Variants in FAM110A observed in about 807,000 individuals in gnomAD.
FAM110A encodes the protein family with sequence similarity 110 member A.
A neutral mutation model predicts 4.0 loss-of-function variants in FAM110A; 1 was observed. The observed-to-expected ratio is 0.25, with a 90% confidence interval of 0.09 to 1.20. FAM110A has a LOEUF of 1.20. FAM110A is among the 50% of genes most tolerant of loss of function. The pLI is 0.50. For missense variants in FAM110A, 436 were observed against 429.2 expected, an observed-to-expected ratio of 1.02 and a Z score of -0.14; for synonymous variants, 217 against 196.8, an observed-to-expected ratio of 1.10 and a Z score of -0.86.
intron 1 of FAM110A, among the ~76,000 whole-genome samples, chr20:837,929 CA>C: frequency 6.6e-6 from 1 of 150,966 alleles, no homozygotes; most frequent in Non-Finnish European, 1.5e-5. Flanking sequence ...TCTCTTCTCA[CA>C]AGATATTTAT....
In FAM110A at chr20:845,247, C is replaced by T. The variant is rs1011295233; in HGVS notation, c.443C>T (p.Thr148Ile). ...ACCCCTCCGCGACCGCCGCCCAGTA[C>T]CTCTGCGGTCCGCCGGGTGGACGTC... ...PATPPRPPPS[T>I]SAVRRVDVRP... The change falls in exon 2 of 2, where the codon ACC becomes ATC. Residue 148 changes from threonine (T) to isoleucine (I), a missense_variant. Coordinates refer to ENST00000381941, the MANE Select transcript of FAM110A (RefSeq NM_001042353.3). 2 of 1,505,134 alleles carry T rather than the reference C, an allele frequency of 1.3e-6. No individual in the cohort carries two copies. The highest frequency in any genetic ancestry group is 1.8e-6 in the Non-Finnish European group (2 of 1,130,082). The allele number at this position is 1,505,134 out of a possible 1,614,324, so 93.2% of individuals were successfully genotyped here.
At chr20:838,040 G>T (rs571253734) in intron 1 of FAM110A, among the ~76,000 whole-genome samples, 1 of 152,224 alleles carries the variant, frequency 6.6e-6, no homozygotes, top group African/African-American at 2.4e-5. Flanking sequence ...ACAAACTGTT[G>T]TTATGAGTGG....
chr20:838,725 G>A (rs1979712438), intron 1 of FAM110A, among the ~76,000 whole-genome samples: 1 of 152,144 alleles, frequency 6.6e-6, no homozygotes, highest in African/African-American at 2.4e-5. Flanking sequence ...GGAGGGCTTT[G>A]TGGCCAGAGC....
In FAM110A at chr20:836,956, C is replaced by G. The variant is rs548794857; in HGVS notation, c.-98+3005C>G. ...CATTGTGGTTTTAATTTACATTTCC[C>G]TAATGACTAATGGTGTTGAGCATCT... On this transcript the variant is annotated intron_variant, in intron 1 of 1. Coordinates refer to ENST00000381941, the MANE Select transcript of FAM110A (RefSeq NM_001042353.3). 2.6e-5 allele frequency among the ~76,000 whole-genome samples: 4 copies of G among 151,522 alleles called. No homozygotes were observed. The East Asian group carries it at 7.7e-4, about 29-fold the overall frequency.
chr20:842,022 C>T (rs1177651000), intron 1 of FAM110A, among the ~76,000 whole-genome samples: 1 of 152,216 alleles, frequency 6.6e-6, no homozygotes, highest in Non-Finnish European at 1.5e-5. Flanking sequence ...GAGCCTGGTT[C>T]GTGGCTCCGC....
At chr20:839,710 C>T in intron 1 of FAM110A, 1 of 1,270,964 alleles carries the variant, frequency 7.9e-7, no homozygotes, top group South Asian at 1.2e-5. Context: ...GTGGCAGGAA[C>T]AATCTCTGGG....
At chr20:842,242 G>A (rs1979967567) in intron 1 of FAM110A, among the ~76,000 whole-genome samples, 1 of 152,236 alleles carries the variant, frequency 6.6e-6, no homozygotes, top group South Asian at 2.1e-4. Context: ...CCCGGGGTTG[G>A]CTCTCGCATC....
rs184000018 is a variant in FAM110A, at chr20:834,584, C to T, written c.-98+633C>T. Among the ~76,000 whole-genome samples the T allele has an allele frequency of 3.5e-3, 532 of 152,340 alleles. 5 individuals are homozygous for T. Among genetic ancestry groups the T allele is most frequent in the Middle Eastern group, 6.8e-3 (2 of 294 alleles). On this transcript the variant is annotated intron_variant, in intron 1 of 1. Coordinates refer to ENST00000381941, the MANE Select transcript of FAM110A (RefSeq NM_001042353.3). This position sits in a 1 kb window ranked among gnomAD's most constrained non-coding sequence, Gnocchi z 5.6. The stretch of plus-strand genomic sequence containing the variant: ...GCCGGAATCCCCCCAGGTGGAGCAG[C>T]TGACCTAGGCCAGACCCTGCTGTGT...
At chr20:836,535 A>G (rs1979585802) in intron 1 of FAM110A, among the ~76,000 whole-genome samples, 1 of 146,780 alleles carries the variant, frequency 6.8e-6, no homozygotes, top group Non-Finnish European at 1.5e-5. Context: ...TGTATGTGTT[A>G]GAATTTTCTT....
At chr20:839,996 C>T (rs1247962702) in intron 1 of FAM110A, 22 of 1,200,336 alleles carry the variant, frequency 1.8e-5, no homozygotes, top group African/African-American at 1.0e-4. Context: ...CTGTAGGGTC[C>T]GGGGCTGGGG....
In FAM110A at chr20:845,118, A is replaced by T; in HGVS notation, c.314A>T (p.Asp105Val). ...TGCCGACGGCCCCAGCTGGACCTGG[A>T]CATCCTCAGCAGCCTCATCGACTTG... ...GPCRRPQLDL[D>V]ILSSLIDLCD... is the part of the protein sequence containing the mutation. Residue 105 changes from aspartate (D) to valine (V), a missense_variant, in exon 2 of 2, where the codon GAC becomes GTC. By Grantham distance (152) the Asp-to-Val change is radical. Coordinates refer to ENST00000381941, the MANE Select transcript of FAM110A (RefSeq NM_001042353.3). The T allele has an allele frequency of 6.3e-7, 1 of 1,589,446 alleles. No individual in the cohort carries two copies. Among genetic ancestry groups the T allele is most frequent in the East Asian group, 2.3e-5 (1 of 44,052 alleles).
intron 1 of FAM110A, chr20:836,240 A>AT (rs1185074983): frequency 1.1e-3 from 17 of 15,972 alleles, no homozygotes; most frequent in African/African-American, 4.1e-3. Flanking sequence ...TAAATTTTAC[A>AT]TTTTTTGGGG....
In FAM110A at chr20:840,289, G is replaced by C. The variant is rs1600008318; in HGVS notation, c.-97-4419G>C. On this transcript the variant is annotated intron_variant, in intron 1 of 1. Transcript: ENST00000381941. This position sits in a 1 kb window ranked among gnomAD's most constrained non-coding sequence, Gnocchi z 4.4. ...TGCCCTGTACCCTAGTCCTGGCCCA[G>C]CTCCCACAGGCACAGACATGGAACA... Among the ~76,000 whole-genome samples the C allele has an allele frequency of 6.6e-6, 1 of 152,182 alleles. No individual in the cohort carries two copies. Among genetic ancestry groups the C allele is most frequent in the African/African-American group, 2.4e-5 (1 of 41,444 alleles).
chr20:845,415 G>C lies in FAM110A; in HGVS notation c.611G>C (p.Arg204Pro). The change falls in exon 2 of 2, where the codon CGC (arginine) becomes CCC (proline). Residue 204 changes from arginine (R) to proline (P), a missense_variant. Arg to Pro is a moderately radical substitution (Grantham distance 103, BLOSUM62 -2). Coordinates refer to ENST00000381941, the MANE Select transcript of FAM110A (RefSeq NM_001042353.3). ...RFSRAAADLERFFNFCGLDPE... is the reference protein window; with the variant it reads ...RFSRAAADLEPFFNFCGLDPE... ...TCTAGGGCAGCCGCTGATCTCGAGCGCTTTTTTAACTTCTGCGGCCTGGAC... is the reference window on the plus strand; with the variant it reads ...TCTAGGGCAGCCGCTGATCTCGAGCCCTTTTTTAACTTCTGCGGCCTGGAC... 6.2e-7 allele frequency: 1 copy of C among 1,613,784 alleles called. No individual in the cohort carries two copies. Among genetic ancestry groups the C allele is most frequent in the South Asian group, 1.1e-5 (1 of 91,078 alleles).
rs572661615 is a variant in FAM110A at position 845,177 on chromosome 20, C to T, written c.373C>T (p.Arg125Cys). 7.6e-6 allele frequency: 12 copies of T among 1,571,954 alleles called. No homozygotes were observed. Among genetic ancestry groups the T allele is most frequent in the Middle Eastern group, 3.4e-4 (2 of 5,970 alleles). The part of the protein sequence containing the change: ...DSPVSPAEAS[R>C]TPGRAEGAGR... ...CCCCGTGTCCCCTGCCGAGGCCAGCCGCACTCCTGGACGGGCCGAGGGAGC... is the reference window on the plus strand; with the variant it reads ...CCCCGTGTCCCCTGCCGAGGCCAGCTGCACTCCTGGACGGGCCGAGGGAGC... The change falls in exon 2 of 2, where the codon CGC (arginine) becomes TGC (cysteine). Residue 125 changes from arginine to cysteine, a missense_variant. Physicochemically the swap from Arg to Cys is radical, Grantham distance 180 (BLOSUM62 -3). Coordinates refer to ENST00000381941, the MANE Select transcript of FAM110A (RefSeq NM_001042353.3).
chr20:839,830 G>T (rs1979783101), intron 1 of FAM110A: 18 of 1,603,252 alleles, frequency 1.1e-5, no homozygotes, highest in Non-Finnish European at 1.5e-5. Flanking sequence ...TTGAGAGACT[G>T]CATGGCCTTC....
chr20:844,992 G>A lies in FAM110A; in HGVS notation c.188G>A (p.Arg63His), dbSNP rs1315042143. 3 of 1,596,330 alleles carry A rather than the reference G, an allele frequency of 1.9e-6. No individual in the cohort carries two copies. The highest frequency in any genetic ancestry group is 1.7e-6 in the Non-Finnish European group (2 of 1,172,350). ...YVKSLHVANT[R>H]QEPVQPLLSK... ...AAGAGCCTGCACGTGGCCAACACCCGCCAGGAGCCTGTGCAGCCCCTGCTG... is the reference window on the plus strand; with the variant it reads ...AAGAGCCTGCACGTGGCCAACACCCACCAGGAGCCTGTGCAGCCCCTGCTG... Residue 63 changes from arginine to histidine, a missense_variant, in exon 2 of 2, where the codon CGC becomes CAC. Arg to His is a conservative substitution (Grantham distance 29). Coordinates refer to ENST00000381941, the MANE Select transcript of FAM110A (RefSeq NM_001042353.3).
intron 1 of FAM110A, among the ~76,000 whole-genome samples, chr20:838,126 G>A: frequency 6.6e-6 from 1 of 152,096 alleles, no homozygotes; most frequent in Non-Finnish European, 1.5e-5. Context: ...TCTATTTGAG[G>A]CTGCAGTGAG....
chr20:835,164 A>ATCTCTCTC (rs143746608), intron 1 of FAM110A, among the ~76,000 whole-genome samples: 26 of 136,354 alleles, frequency 1.9e-4, no homozygotes, highest in African/African-American at 3.6e-4. Flanking sequence ...CAGTCCTCCC[A>ATCTCTCTC]TCTCTCTCTC....
Sources: allele counts gnomAD v4.1 joint callset (sites outside exome capture counted in the v4.1 genomes callset), GRCh38; gene constraint gnomAD v4.1.1; non-coding constraint Gnocchi (gnomAD v3.1); transcripts MANE v1.5; gene names NCBI Gene and HGNC (gene_info 2026-07-23, HGNC 2026-07-21).